The following ZNF362 variants were observed in gnomAD, a reference collection of about 807,000 sequenced individuals.
ZNF362 encodes rotund homolog.
In ZNF362, 11 loss-of-function variants were observed where a neutral mutation model predicts 42.9. The observed-to-expected ratio is 0.26, with a 90% CI of 0.16 to 0.42. The LOEUF is 0.42. Ranked by LOEUF, ZNF362 falls within the 20% of genes least tolerant of loss-of-function variation. The pLI is 1.00. For missense variants in ZNF362, 362 were observed against 576.2 expected (o/e 0.63, Z 3.81); for synonymous variants, 255 against 257.3 (o/e 0.99, Z 0.09).
the ZNF362 span, among the ~76,000 whole-genome samples, chr1:33,224,144 TAGAA>T: frequency 6.6e-6 from 1 of 151,918 alleles, no homozygotes; most frequent in Non-Finnish European, 1.5e-5. Context: ...AAAAAAATCA[TAGAA>T]AGAGACCCAT....
the ZNF362 span, among the ~76,000 whole-genome samples, chr1:33,140,612 A>AC: frequency 1.2e-4 from 19 of 152,208 alleles, no homozygotes; most frequent in South Asian, 3.9e-3. The surrounding 1 kb of genome is among the most constrained non-coding windows in gnomAD (Gnocchi z 4.0). Context: ...AAATCAGGGA[A>AC]CCCCCTTGGG....
intron 2 of ZNF362, among the ~76,000 whole-genome samples, chr1:33,272,844 T>C (rs1645914336): frequency 6.6e-6 from 1 of 152,262 alleles, no homozygotes; most frequent in Non-Finnish European, 1.5e-5. Context: ...TTGGTGTCTT[T>C]GGGTGCTGTT....
the ZNF362 span, among the ~76,000 whole-genome samples, chr1:33,139,004 C>A: frequency 6.6e-6 from 1 of 152,162 alleles, no homozygotes; most frequent in Non-Finnish European, 1.5e-5. Context: ...AGCAAAAATG[C>A]CTGCAAGACT....
chr1:33,146,276 C>T, the ZNF362 span: 16 of 198,720 alleles, frequency 8.1e-5, no homozygotes, highest in Middle Eastern at 2.2e-3. Context: ...GATGCCAAGT[C>T]TGACAAGGGG....
At chr1:33,189,498 C>T in the ZNF362 span, among the ~76,000 whole-genome samples, 2 of 151,210 alleles carry the variant, frequency 1.3e-5, no homozygotes, top group Non-Finnish European at 2.9e-5. Context: ...ATCAGTTGAT[C>T]CCCCATATAT....
the ZNF362 span, chr1:33,181,148 C>T: frequency 1.9e-6 from 3 of 1,599,924 alleles, no homozygotes; most frequent in Admixed American, 1.7e-5. This position sits in a 1 kb window ranked among gnomAD's most constrained non-coding sequence, Gnocchi z 6.5. Flanking sequence ...CCTTGTCGTG[C>T]GCCTGGCAGG....
the ZNF362 span, among the ~76,000 whole-genome samples, chr1:33,139,926 C>G: frequency 6.6e-6 from 1 of 152,192 alleles, no homozygotes; most frequent in East Asian, 1.9e-4. Flanking sequence ...TCTAAGATCC[C>G]ACCATCAGCT....
chr1:33,143,441 A>AC, the ZNF362 span, among the ~76,000 whole-genome samples: 1 of 152,146 alleles, frequency 6.6e-6, no homozygotes. Flanking sequence ...AGTCACAGGG[A>AC]TCTGAGAGGA....
At chr1:33,283,314 T>C (rs1646010159) in intron 6 of ZNF362, among the ~76,000 whole-genome samples, 1 of 152,198 alleles carries the variant, frequency 6.6e-6, no homozygotes, top group African/African-American at 2.4e-5. Context: ...TTTATTCGTT[T>C]ATCTCCATTG....
chr1:33,161,027 C>G, the ZNF362 span, among the ~76,000 whole-genome samples: 10 of 152,236 alleles, frequency 6.6e-5, no homozygotes, highest in African/African-American at 2.4e-4. This position sits in a 1 kb window ranked among gnomAD's most constrained non-coding sequence, Gnocchi z 4.3. Context: ...CTCTGGGTCT[C>G]TAGCTATGGC....
At chr1:33,254,615 C>G (rs965005966), upstream of ZNF362, among the ~76,000 whole-genome samples, 2 of 152,222 alleles carry the variant, frequency 1.3e-5, no homozygotes, top group African/African-American at 2.4e-5. Context: ...GTGTCATTTT[C>G]ATCACATAGT....
intron 2 of ZNF362, among the ~76,000 whole-genome samples, chr1:33,273,242 C>A (rs1440422641): frequency 2.0e-5 from 3 of 152,238 alleles, no homozygotes; most frequent in Admixed American, 6.5e-5. Flanking sequence ...TAGGTAGATA[C>A]CAGGACTAGG....
In ZNF362 at chr1:33,295,128, C is replaced by G; in HGVS notation, c.988-19C>G. Reference sequence around the variant, plus strand: ...AGGGAGCCCTGTTCCTCTCCTGACCCCCTGCTGTGCCCCTACAGTCTCACC... The same window carrying G: ...AGGGAGCCCTGTTCCTCTCCTGACCGCCTGCTGTGCCCCTACAGTCTCACC... On this transcript the variant is annotated intron_variant, in intron 7 of 8. Coordinates refer to ENST00000539719, the MANE Select transcript of ZNF362 (RefSeq NM_152493.3). The G allele has an allele frequency of 6.2e-7, 1 of 1,613,720 alleles. No homozygotes were observed. The highest frequency in any genetic ancestry group is 8.5e-7 in the Non-Finnish European group (1 of 1,179,744).
chr1:33,159,285 A>G, the ZNF362 span, among the ~76,000 whole-genome samples: 1 of 152,124 alleles, frequency 6.6e-6, no homozygotes, highest in African/African-American at 2.4e-5. This position sits in a 1 kb window ranked among gnomAD's most constrained non-coding sequence, Gnocchi z 4.2. Flanking sequence ...AATATGTAAT[A>G]TATTTATATT....
chr1:33,162,925 GT>G, the ZNF362 span: 1 of 152,204 alleles, frequency 6.6e-6, no homozygotes. Flanking sequence ...GGGACTTCAG[GT>G]TGGTCCCTCA....
chr1:33,147,834 T>G, the ZNF362 span: 8 of 1,203,732 alleles, frequency 6.6e-6, no homozygotes, highest in African/African-American at 1.5e-5. The surrounding 1 kb of genome is among the most constrained non-coding windows in gnomAD (Gnocchi z 8.1). Context: ...AGGAGGCCTC[T>G]GACCTGCTGT....
chr1:33,275,997 A>G, intron 2 of ZNF362, 103 bp from the exon 3 acceptor site: 2 of 1,318,544 alleles, frequency 1.5e-6, no homozygotes, highest in Admixed American at 1.7e-5. Context: ...GGGGACATGG[A>G]TCCCAGACAC....
intron 6 of ZNF362, among the ~76,000 whole-genome samples, chr1:33,284,612 C>G (rs1461161909): frequency 6.6e-6 from 1 of 152,114 alleles, no homozygotes; most frequent in Non-Finnish European, 1.5e-5. Flanking sequence ...TATAGTCCCC[C>G]TCCCACCCTC....
chr1:33,164,860 C>G, the ZNF362 span: 2 of 152,168 alleles, frequency 1.3e-5, no homozygotes, highest in African/African-American at 4.8e-5. Flanking sequence ...CCTACTGCAG[C>G]CTCAAACTCC....
Sources: gnomAD v4.1 joint callset for allele counts (sites outside exome capture counted in the v4.1 genomes callset) on GRCh38, gnomAD v4.1.1 for gene constraint, Gnocchi (gnomAD v3.1) non-coding constraint, MANE v1.5 for transcripts, NCBI Gene and HGNC (gene_info 2026-07-23, HGNC 2026-07-21) for gene names.